Variants in CNTN1 observed in about 807,000 individuals in gnomAD.
CNTN1 encodes the protein contactin 1.
In CNTN1, 38 loss-of-function variants were observed where a neutral mutation model predicts 126.4. That is an observed-to-expected ratio of 0.30 (90% CI 0.23 to 0.39). The LOEUF is 0.39. Among genes scored for constraint, CNTN1 ranks in the 10% least tolerant of loss-of-function variants. The pLI, the probability that CNTN1 is intolerant of heterozygous loss-of-function variation, is 1.00. For synonymous variants in CNTN1, 413 were observed against 422.6 expected (o/e 0.98, Z 0.28); for missense variants, 1,009 against 1,248.4 (o/e 0.81, Z 2.89).
intron 1 of CNTN1, among the ~76,000 whole-genome samples, chr12:40,875,714 A>G (rs1306848851): frequency 1.3e-5 from 2 of 152,220 alleles, no homozygotes; most frequent in East Asian, 1.9e-4. Context: ...TATAGCTTAT[A>G]GTAGATCATG....
intron 1 of CNTN1, among the ~76,000 whole-genome samples, chr12:40,816,533 TTCTC>T (rs1246131475): frequency 6.6e-6 from 1 of 152,102 alleles, no homozygotes; most frequent in East Asian, 1.9e-4. Context: ...TATTTGATTC[TTCTC>T]TCTCTTCTTC....
chr12:40,869,929 AC>A (rs1943429222), intron 1 of CNTN1, among the ~76,000 whole-genome samples: 2 of 152,128 alleles, frequency 1.3e-5, no homozygotes, highest in East Asian at 3.9e-4. Flanking sequence ...TTGAATTGTA[AC>A]TCCCATAATT....
rs139110975 is a variant in CNTN1, at chr12:40,829,076, C to T, written c.-76-79281C>T. Among the ~76,000 whole-genome samples, 51 of 152,010 alleles carry T rather than the reference C, an allele frequency of 3.4e-4. No individual in the cohort carries two copies. The East Asian group carries it at 9.7e-3, about 29-fold the overall frequency. ...TAAAACTGAAAAACACAGTACTATA[C>T]GAGTATATTTGTCAGAAGTCATTGT... On this transcript the variant is annotated intron_variant, in intron 1 of 23. Coordinates refer to ENST00000551295, the MANE Select transcript of CNTN1 (RefSeq NM_001843.4).
intron 1 of CNTN1, among the ~76,000 whole-genome samples, chr12:40,742,945 T>A (rs1246277240): frequency 6.6e-6 from 1 of 152,094 alleles, no homozygotes; most frequent in Non-Finnish European, 1.5e-5. Context: ...GTAAGCAAGA[T>A]GGAATAGCCA....
At chr12:40,772,289 T>C (rs1939368975) in intron 1 of CNTN1, among the ~76,000 whole-genome samples, 1 of 152,044 alleles carries the variant, frequency 6.6e-6, no homozygotes, top group Admixed American at 6.6e-5. Context: ...AAAAAGAACA[T>C]GAACTTTCTT....
intron 1 of CNTN1, among the ~76,000 whole-genome samples, chr12:40,744,703 C>T (rs79581957): frequency 1.3e-5 from 2 of 152,106 alleles, no homozygotes; most frequent in East Asian, 3.9e-4. Flanking sequence ...TCAGGTTGAA[C>T]GTGTGGATTA....
chr12:40,972,661 C>T, intron 15 of CNTN1: 1 of 961,396 alleles, frequency 1.0e-6, no homozygotes, highest in South Asian at 4.8e-5. Flanking sequence ...ATTTTCTAGT[C>T]TCAATTACTG....
At chr12:41,023,520 C>A (rs1948972544) in intron 20 of CNTN1, among the ~76,000 whole-genome samples, 1 of 151,996 alleles carries the variant, frequency 6.6e-6, no homozygotes, top group African/African-American at 2.4e-5. Context: ...GGGCTCTTGC[C>A]CAGGAATCCA....
chr12:40,763,770 C>T (rs960364590), intron 1 of CNTN1, among the ~76,000 whole-genome samples: 3 of 152,168 alleles, frequency 2.0e-5, no homozygotes, highest in African/African-American at 7.2e-5. Context: ...AATGAACTTA[C>T]TGAAAATATG....
At chr12:40,831,756 T>C (rs1175725407) in intron 1 of CNTN1, among the ~76,000 whole-genome samples, 2 of 152,126 alleles carry the variant, frequency 1.3e-5, no homozygotes, top group African/African-American at 4.8e-5. Context: ...GAAGCATTTA[T>C]TGAGAATCCT....
chr12:40,791,763 A>G (rs893504471), intron 1 of CNTN1, among the ~76,000 whole-genome samples: 9 of 152,120 alleles, frequency 5.9e-5, no homozygotes, highest in African/African-American at 1.7e-4. Flanking sequence ...CCAAAAATAT[A>G]CTACATGTCA....
At chr12:40,695,238 T>C (rs1209160807) in intron 1 of CNTN1, among the ~76,000 whole-genome samples, 1 of 152,222 alleles carries the variant, frequency 6.6e-6, no homozygotes, top group Non-Finnish European at 1.5e-5. Context: ...CCTAAGAAGC[T>C]GGATGGGTGC....
chr12:40,845,556 A>C (rs7300865), intron 1 of CNTN1, among the ~76,000 whole-genome samples: 64,607 of 151,710 alleles, frequency 0.43, 14,100 homozygotes, highest in East Asian at 0.7. Context: ...TGTTAATGAG[A>C]TGGTGTTGAA....
At chr12:40,787,649 C>T (rs996641421) in intron 1 of CNTN1, among the ~76,000 whole-genome samples, 36 of 151,982 alleles carry the variant, frequency 2.4e-4, no homozygotes, top group African/African-American at 8.2e-4. Flanking sequence ...CAGGCAGTCA[C>T]AGGGATTTAG....
chr12:40,888,965 C>T (rs1483131776), intron 1 of CNTN1, among the ~76,000 whole-genome samples: 11 of 152,274 alleles, frequency 7.2e-5, no homozygotes, highest in African/African-American at 2.4e-4. Flanking sequence ...TCCACAGCGT[C>T]TTGCCAGTGG....
intron 15 of CNTN1, among the ~76,000 whole-genome samples, chr12:40,978,046 A>T (rs1039302391): frequency 9.9e-5 from 15 of 151,940 alleles, no homozygotes; most frequent in African/African-American, 3.4e-4. Context: ...CAGGTAATCC[A>T]CCTGCCTTGG....
At chr12:40,824,977 T>C (rs954998394) in intron 1 of CNTN1, among the ~76,000 whole-genome samples, 2 of 152,216 alleles carry the variant, frequency 1.3e-5, no homozygotes, top group African/African-American at 4.8e-5. Context: ...ATGAGTATCA[T>C]AGCGACCGTG....
chr12:41,058,477 A>G (rs957714803), intron 23 of CNTN1, among the ~76,000 whole-genome samples: 4 of 152,172 alleles, frequency 2.6e-5, no homozygotes, highest in African/African-American at 9.6e-5. Context: ...TGTTCAATGT[A>G]AACAAAATGG....
rs1487254662 is a variant in CNTN1 at position 40,933,800 on chromosome 12, G to C, written c.907G>C (p.Glu303Gln). ...TCTTAAGATCTTCAATATTCAGCTA[G>C]AAGATGAAGGCATCTATGAATGTGA... ...AVLKIFNIQLEDEGIYECEAE... is the reference protein window; with the variant it reads ...AVLKIFNIQLQDEGIYECEAE... Residue 303 changes from glutamate (E) to glutamine (Q), a missense_variant, in exon 9 of 24, where the codon GAA becomes CAA. Glu to Gln is a conservative substitution (Grantham distance 29). Coordinates refer to ENST00000551295, the MANE Select transcript of CNTN1 (RefSeq NM_001843.4). 1.2e-6 allele frequency: 2 copies of C among 1,612,698 alleles called. No individual in the cohort carries two copies. The highest frequency in any genetic ancestry group is 1.7e-6 in the Non-Finnish European group (2 of 1,179,040).
Sources: gnomAD v4.1 joint callset for allele counts (sites outside exome capture counted in the v4.1 genomes callset) on GRCh38, gnomAD v4.1.1 for gene constraint, MANE v1.5 for transcripts, NCBI Gene and HGNC (gene_info 2026-07-23, HGNC 2026-07-21) for gene names.